The following CSMD1 variants were observed in gnomAD, a reference collection of about 807,000 sequenced individuals.
CSMD1 encodes CUB and sushi domain-containing protein 1.
In CSMD1, 213 loss-of-function variants were observed where a neutral mutation model predicts 417.5. The observed-to-expected ratio is 0.51, with a 90% CI of 0.46 to 0.57. CSMD1 has a LOEUF of 0.57. CSMD1 is among the 20% of genes least tolerant of loss of function. The probability of loss-of-function intolerance (pLI) is 0.00; values close to 1 mark genes in which losing one functional copy is unlikely to be tolerated. For missense variants in CSMD1, 6,923 were observed against 4,529.7 expected, an observed-to-expected ratio of 1.53 and a Z score of -15.17; for synonymous variants, 2,862 against 1,736.8, an observed-to-expected ratio of 1.65 and a Z score of -16.11.
chr8:3,727,051 C>A (rs529765368), intron 6 of CSMD1, among the ~76,000 whole-genome samples: 1 of 152,262 alleles, frequency 6.6e-6, no homozygotes, highest in East Asian at 1.9e-4. Context: ...TGGTAGCTAT[C>A]CTTTTTTCTC....
At chr8:4,544,337 G>A (rs68167396) in intron 2 of CSMD1, among the ~76,000 whole-genome samples, 1 of 151,778 alleles carries the variant, frequency 6.6e-6, no homozygotes, top group Admixed American at 6.6e-5. Context: ...AATTTTGGTA[G>A]GTAGATGTCC....
intron 5 of CSMD1, among the ~76,000 whole-genome samples, chr8:3,906,042 T>C (rs551287163): frequency 2.0e-5 from 3 of 152,246 alleles, no homozygotes; most frequent in South Asian, 2.1e-4. Context: ...AAACCCTAAA[T>C]AGCGAGAGGA....
chr8:3,984,795 G>T (rs547533433), intron 5 of CSMD1, among the ~76,000 whole-genome samples: 41 of 136,368 alleles, frequency 3.0e-4, no homozygotes, highest in African/African-American at 9.6e-4. Context: ...GGGTGTAAAG[G>T]GAGATCACAC....
chr8:3,423,413 A>C (rs974520640), intron 12 of CSMD1, among the ~76,000 whole-genome samples: 6 of 152,162 alleles, frequency 3.9e-5, no homozygotes, highest in Admixed American at 2.6e-4. Flanking sequence ...ATTTCATATA[A>C]ATGGAATCAT....
intron 3 of CSMD1, among the ~76,000 whole-genome samples, chr8:4,076,428 C>G (rs925081059): frequency 1.3e-5 from 2 of 152,154 alleles, no homozygotes; most frequent in African/African-American, 4.8e-5. Flanking sequence ...TAAGCATAGA[C>G]TTTCTCTGGT....
chr8:4,833,776 T>C (rs79202300), intron 1 of CSMD1, among the ~76,000 whole-genome samples: 5,693 of 152,274 alleles, frequency 0.037, 157 homozygotes, highest in Non-Finnish European at 0.058. Context: ...TATCTTAGGA[T>C]ATGATCCCAT....
intron 39 of CSMD1, among the ~76,000 whole-genome samples, chr8:3,156,810 G>C (rs1363357783): frequency 1.3e-5 from 2 of 151,984 alleles, no homozygotes; most frequent in African/African-American, 4.8e-5. Context: ...TGTAGGTTAG[G>C]ATTCCATGGA....
intron 5 of CSMD1, among the ~76,000 whole-genome samples, chr8:3,901,945 G>T (rs1213689979): frequency 6.6e-6 from 1 of 152,150 alleles, no homozygotes; most frequent in Non-Finnish European, 1.5e-5. Flanking sequence ...GACCAGACAT[G>T]TATTTCAGTG....
chr8:4,862,479 A>G (rs892898651), intron 1 of CSMD1, among the ~76,000 whole-genome samples: 1 of 152,122 alleles, frequency 6.6e-6, no homozygotes, highest in African/African-American at 2.4e-5. Context: ...AGAATGGTTA[A>G]AAGTCTGCAG....
intron 6 of CSMD1, among the ~76,000 whole-genome samples, chr8:3,745,274 C>T (rs1348782474): frequency 2.0e-5 from 3 of 152,138 alleles, no homozygotes; most frequent in Admixed American, 6.6e-5. Flanking sequence ...GGAGAATATG[C>T]CACCTTCACA....
At chr8:4,152,564 C>T (rs984128276) in intron 3 of CSMD1, among the ~76,000 whole-genome samples, 1 of 151,324 alleles carries the variant, frequency 6.6e-6, no homozygotes, top group Non-Finnish European at 1.5e-5. Context: ...GTGGTGCACA[C>T]TTGTGTTCCC....
At chr8:3,317,970 C>T (rs1012230276) in intron 23 of CSMD1, among the ~76,000 whole-genome samples, 1 of 152,122 alleles carries the variant, frequency 6.6e-6, no homozygotes, top group Non-Finnish European at 1.5e-5. Context: ...GCCACCATGC[C>T]CAGCTAATAT....
chr8:4,566,229 T>C (rs1177869778), intron 2 of CSMD1, among the ~76,000 whole-genome samples: 1 of 152,136 alleles, frequency 6.6e-6, no homozygotes, highest in African/African-American at 2.4e-5. Flanking sequence ...TTCAACAATG[T>C]AGCTATGAAA....
chr8:4,869,502 A>T (rs919971305), intron 1 of CSMD1, among the ~76,000 whole-genome samples: 1 of 152,086 alleles, frequency 6.6e-6, no homozygotes, highest in African/African-American at 2.4e-5. Flanking sequence ...TTTAAACTCA[A>T]GGTAGTTGAT....
At chr8:3,493,371 C>A (rs1194069030) in intron 11 of CSMD1, among the ~76,000 whole-genome samples, 1 of 150,056 alleles carries the variant, frequency 6.7e-6, no homozygotes, top group Non-Finnish European at 1.5e-5. Flanking sequence ...CATGAGTATA[C>A]TAATTTTTTG....
intron 3 of CSMD1, among the ~76,000 whole-genome samples, chr8:4,167,765 G>A (rs749411617): frequency 6.6e-6 from 1 of 152,112 alleles, no homozygotes; most frequent in African/African-American, 2.4e-5. Flanking sequence ...CAAGGCAGGA[G>A]GATTGCTTGA....
At chr8:4,068,197 G>C (rs1042023220) in intron 3 of CSMD1, among the ~76,000 whole-genome samples, 1 of 152,194 alleles carries the variant, frequency 6.6e-6, no homozygotes, top group Non-Finnish European at 1.5e-5. Flanking sequence ...CAGAAGGGCA[G>C]AAAAATCTTC....
chr8:3,209,977 T>A (rs1490815592), intron 30 of CSMD1, among the ~76,000 whole-genome samples: 1 of 152,162 alleles, frequency 6.6e-6, no homozygotes, highest in East Asian at 1.9e-4. Context: ...CAGTTACAAT[T>A]CTACAAAAAA....
At chr8:3,248,453 A>G (rs1017191405) in intron 26 of CSMD1, among the ~76,000 whole-genome samples, 2 of 151,866 alleles carry the variant, frequency 1.3e-5, no homozygotes, top group African/African-American at 4.8e-5. Flanking sequence ...AGTGTGAGAC[A>G]GACAACAGGG....
Sources: gnomAD v4.1 joint callset for allele counts (sites outside exome capture counted in the v4.1 genomes callset) on GRCh38, gnomAD v4.1.1 for gene constraint, MANE v1.5 for transcripts, NCBI Gene and HGNC (gene_info 2026-07-23, HGNC 2026-07-21) for gene names.